EIF2AK4: variants seen among roughly 807,000 people sequenced by gnomAD.
The protein encoded by EIF2AK4 is eIF-2-alpha kinase GCN2.
In EIF2AK4, 139 loss-of-function variants were observed where a neutral mutation model predicts 211.1. The ratio of observed to expected loss-of-function variants is 0.66; its 90% confidence interval spans 0.57 to 0.76. The LOEUF (loss-of-function observed/expected upper bound fraction) is 0.76. EIF2AK4 is among the 30% of genes least tolerant of loss of function. The pLI is 0.00. For synonymous variants in EIF2AK4, 710 were observed against 751.3 expected, an observed-to-expected ratio of 0.94 and a Z score of 0.90; for missense variants, 1,664 against 2,043.8, an observed-to-expected ratio of 0.81 and a Z score of 3.58.
At position 39,965,414 on chromosome 15, in the gene EIF2AK4, A is replaced by G. The variant is rs472027; in HGVS notation, c.860-272A>G. 0.92 allele frequency among the ~76,000 whole-genome samples: 139,359 copies of G among 152,260 alleles called. 64,149 individuals carry two copies. Among genetic ancestry groups the G allele is most frequent in the Middle Eastern group, 0.97 (285 of 294 alleles). On this transcript the variant is annotated intron_variant, in intron 7 of 38. Coordinates refer to ENST00000263791, the MANE Select transcript of EIF2AK4 (RefSeq NM_001013703.4). ...GCTGGGATTACAGGCGTGAGCCACC[A>G]CGCCTGGCCAAACATTGGTCTCTTT... is the stretch of plus-strand genomic sequence containing the variant.
intron 13 of EIF2AK4, among the ~76,000 whole-genome samples, chr15:39,979,923 G>T (rs2034757227): frequency 6.6e-6 from 1 of 152,246 alleles, no homozygotes; most frequent in Non-Finnish European, 1.5e-5. Flanking sequence ...AAAAGAAAAA[G>T]GAAGAAAAGA....
At chr15:39,993,286 A>C (rs1349900298) in intron 18 of EIF2AK4, among the ~76,000 whole-genome samples, 4 of 152,230 alleles carry the variant, frequency 2.6e-5, no homozygotes, top group Non-Finnish European at 4.4e-5. Flanking sequence ...GCAAGGTGCC[A>C]GGAACAGATG....
intron 23 of EIF2AK4, among the ~76,000 whole-genome samples, chr15:40,005,894 G>T (rs118150881): frequency 6.6e-6 from 1 of 151,570 alleles, no homozygotes; most frequent in African/African-American, 2.4e-5. Context: ...TATATGTGTA[G>T]ATATATATAT....
At chr15:39,950,828 GAGA>G (rs1168335209) in intron 4 of EIF2AK4, among the ~76,000 whole-genome samples, 1 of 152,092 alleles carries the variant, frequency 6.6e-6, no homozygotes, top group East Asian at 1.9e-4. Context: ...AAGAAAGAAA[GAGA>G]AGAATTTACT....
At chr15:39,934,444 C>T (rs1485773445) in intron 1 of EIF2AK4, 105 bp downstream of exon 1, 1 of 1,425,568 alleles carries the variant, frequency 7.0e-7, no homozygotes, top group Admixed American at 2.7e-5. Flanking sequence ...TAGGATCCTG[C>T]AGTCTTTTCA....
rs749030745 is a variant in EIF2AK4, at chr15:39,961,927, A to G, written c.859+28A>G. 10 of 1,557,900 alleles carry G rather than the reference A, an allele frequency of 6.4e-6. No individual in the cohort carries two copies. In the Admixed American group the frequency reaches 6.7e-5, roughly 10 times the overall value. ...GAGTAAACTAGCAAAATCTATTCAT[A>G]TTATTGTAATGGCAAAAGTTAATCA... On this transcript the variant is annotated intron_variant, in intron 7 of 38. Coordinates refer to ENST00000263791, the MANE Select transcript of EIF2AK4 (RefSeq NM_001013703.4).
intron 18 of EIF2AK4, among the ~76,000 whole-genome samples, chr15:39,993,443 A>G (rs1220453284): frequency 2.0e-5 from 3 of 152,254 alleles, no homozygotes; most frequent in African/African-American, 7.2e-5. Flanking sequence ...TTGACCAGGG[A>G]AGATCTCTTG....
chr15:40,033,292 T>C (rs1236557065), intron 37 of EIF2AK4, among the ~76,000 whole-genome samples: 1 of 152,232 alleles, frequency 6.6e-6, no homozygotes, highest in Non-Finnish European at 1.5e-5. Flanking sequence ...TATACTATAC[T>C]ATCTCTCAAA....
chr15:40,028,332 A>G (rs1358195356), intron 33 of EIF2AK4, among the ~76,000 whole-genome samples: 7 of 152,156 alleles, frequency 4.6e-5, no homozygotes, highest in African/African-American at 1.7e-4. Flanking sequence ...GCCTCAAGAA[A>G]TTCTTATATG....
Position 39,967,406 on chromosome 15 carries a change from C to T in EIF2AK4, c.1080C>T (p.Arg360=), listed in dbSNP as rs758086911. 1.2e-6 allele frequency: 2 copies of T among 1,613,414 alleles called. No individual in the cohort carries two copies. Among genetic ancestry groups the T allele is most frequent in the East Asian group, 2.2e-5 (1 of 44,852 alleles). Residue 360 remains arginine (R), a synonymous_variant, in exon 9 of 39, where the codon CGC becomes CGT. Coordinates refer to ENST00000263791, the MANE Select transcript of EIF2AK4 (RefSeq NM_001013703.4). ...LVKLSHPNVV[R]YLAMNLKEQD... is the part of the protein sequence containing the mutation. ...AATTGAGCCATCCAAATGTAGTACG[C>T]TACCTTGCAATGAATCTCAAAGAGC... is the stretch of plus-strand genomic sequence containing the variant.
At position 40,005,531 on chromosome 15, in the gene EIF2AK4, C is replaced by T. The variant is rs73388595; in HGVS notation, c.3358-1485C>T. 8.9e-3 allele frequency among the ~76,000 whole-genome samples: 1,346 copies of T among 151,716 alleles called. 22 individuals are homozygous for T. Among genetic ancestry groups the T allele is most frequent in the African/African-American group, 0.031 (1,269 of 41,416 alleles). ...AACAACAAAACAAAAAAACAAAAAA[C>T]TGTACATAAGGTATACTGTGTGTGT... is the stretch of plus-strand genomic sequence containing the variant. On this transcript the variant is annotated intron_variant, in intron 23 of 38. Coordinates refer to ENST00000263791, the MANE Select transcript of EIF2AK4 (RefSeq NM_001013703.4).
chr15:39,954,053 C>T, intron 5 of EIF2AK4, 69 bp downstream of exon 5: 2 of 1,276,090 alleles, frequency 1.6e-6, no homozygotes, highest in South Asian at 2.8e-5. Context: ...CCACTGATGA[C>T]ATCTGTGTTA....
intron 21 of EIF2AK4, 52 bp from the exon 22 acceptor site, chr15:40,002,661 G>T (rs941143285): frequency 1.9e-6 from 3 of 1,583,982 alleles, no homozygotes; most frequent in Non-Finnish European, 2.6e-6. Flanking sequence ...ATATTTTAAA[G>T]GATCCCTTTG....
intron 25 of EIF2AK4, 94 bp from the exon 26 acceptor site, chr15:40,009,520 G>A (rs753559515): frequency 1.4e-6 from 1 of 727,256 alleles, no homozygotes; most frequent in Non-Finnish European, 2.3e-6. Flanking sequence ...CTTCCATTGT[G>A]TTAGGATGAC....
Position 40,033,629 on chromosome 15 carries a change from T to C in EIF2AK4, c.4774-697T>C, listed in dbSNP as rs979921394. On this transcript the variant is annotated intron_variant, in intron 37 of 38. Transcript: ENST00000263791. ...GAACTAGTATTTTATATATCATTTT[T>C]TGTTCTCTTACAAATAAGCATATAC... Among the ~76,000 whole-genome samples the C allele has an allele frequency of 3.9e-5, 6 of 152,316 alleles. No individual in the cohort carries two copies. In the East Asian group the frequency reaches 9.6e-4, roughly 24 times the overall value.
rs373835064 is a variant in EIF2AK4 at position 39,985,853 on chromosome 15, G to C, written c.2368G>C (p.Val790Leu). The C allele has an allele frequency of 5.0e-6, 8 of 1,614,062 alleles. No homozygotes were observed. Among genetic ancestry groups the C allele is most frequent in the Non-Finnish European group, 6.8e-6 (8 of 1,180,020 alleles). ...TGGCTGCCATGAAAGTGAGCCATCA[G>C]TGACGACTGAGGCTGTGCACTACCT... Reference protein sequence around the residue: ...KNGCHESEPSVTTEAVHYLYI... With the variant: ...KNGCHESEPSLTTEAVHYLYI... The change falls in exon 14 of 39, where the codon GTG (valine) becomes CTG (leucine). Residue 790 changes from valine to leucine, a missense_variant. By Grantham distance (32) the Val-to-Leu change is conservative. This residue lies in a region of EIF2AK4 where 206 missense variants were observed against 201.9 expected (regional missense o/e 1.02). Coordinates refer to ENST00000263791, the MANE Select transcript of EIF2AK4 (RefSeq NM_001013703.4).
chr15:39,943,313 A>T (rs1298669186), intron 2 of EIF2AK4, 70 bp from the exon 3 acceptor site: 2 of 1,271,986 alleles, frequency 1.6e-6, no homozygotes, highest in Non-Finnish European at 2.1e-6. Context: ...CAGTTTAGCA[A>T]ATATTAATGC....
chr15:39,961,997 C>A, intron 7 of EIF2AK4, 98 bp downstream of exon 7: 2 of 891,928 alleles, frequency 2.2e-6, no homozygotes, highest in Non-Finnish European at 3.6e-6. Context: ...CAGACCAGTG[C>A]AGTCCAAGGA....
chr15:40,009,547 T>G, intron 25 of EIF2AK4, 67 bp from the exon 26 acceptor site: 1 of 935,964 alleles, frequency 1.1e-6, no homozygotes, highest in South Asian at 1.5e-5. Context: ...GTGGTAAGTT[T>G]CCAGATTTGG....
Sources: gnomAD v4.1 joint callset for allele counts (sites outside exome capture counted in the v4.1 genomes callset) on GRCh38, gnomAD v4.1.1 for gene constraint, gnomAD v4.1.1 regional missense constraint, MANE v1.5 for transcripts, NCBI Gene and HGNC (gene_info 2026-07-23, HGNC 2026-07-21) for gene names.